Variants in DSCAM observed in about 807,000 individuals in gnomAD.
DSCAM encodes the protein cell adhesion molecule DSCAM.
Under a neutral mutation model 217.7 loss-of-function variants are expected in DSCAM, and 47 were observed. That is an observed-to-expected ratio of 0.22 (90% confidence interval 0.17 to 0.28). DSCAM has a LOEUF of 0.28. Ranked by LOEUF, DSCAM falls within the 10% of genes least tolerant of loss-of-function variation. The pLI is 1.00. For synonymous variants in DSCAM, 1,056 were observed against 1,015.3 expected (o/e 1.04, Z -0.76); for missense variants, 2,080 against 2,618.3 (o/e 0.79, Z 4.49).
intron 1 of DSCAM, among the ~76,000 whole-genome samples, chr21:40,757,845 G>A (rs191479948): frequency 2.6e-5 from 4 of 152,262 alleles, no homozygotes; most frequent in Admixed American, 2.0e-4. Context: ...GTTTCATGTG[G>A]GGGAATACAC....
At chr21:40,790,318 A>T (rs1405241868) in intron 1 of DSCAM, among the ~76,000 whole-genome samples, 1 of 151,262 alleles carries the variant, frequency 6.6e-6, no homozygotes. Flanking sequence ...AGTAGCTGGG[A>T]TTACAGGTGT....
At chr21:40,351,404 A>T (rs1390352149) in intron 5 of DSCAM, among the ~76,000 whole-genome samples, 1 of 152,176 alleles carries the variant, frequency 6.6e-6, no homozygotes, top group African/African-American at 2.4e-5. Context: ...TGTTGTTTTG[A>T]AGTGCCAACT....
intron 3 of DSCAM, among the ~76,000 whole-genome samples, chr21:40,656,266 T>C (rs1159361596): frequency 1.3e-5 from 2 of 152,164 alleles, no homozygotes; most frequent in Non-Finnish European, 2.9e-5. Flanking sequence ...CAACCTTTCT[T>C]AACGTTTCCA....
chr21:40,730,320 C>A (rs2090999621), intron 1 of DSCAM, among the ~76,000 whole-genome samples: 1 of 152,148 alleles, frequency 6.6e-6, no homozygotes, highest in Admixed American at 6.5e-5. Flanking sequence ...CAAATGAATC[C>A]TGTGGAACAT....
In DSCAM at chr21:40,347,737, G is replaced by A. The variant is rs372861546; in HGVS notation, c.1143C>T (p.Gly381=). 32 of 1,614,040 alleles carry A rather than the reference G, an allele frequency of 2.0e-5. No individual in the cohort carries two copies. The Admixed American group carries it at 3.0e-4, about 15-fold the overall frequency. ...IMDHMVKSDG[G]AYQCFVRKDK... ...CCTTGCGCACAAAGCACTGGTATGC[G>A]CCCCCGTCACTTTTGACCATGTGAT... Residue 381 remains glycine (G), a synonymous_variant, in exon 6 of 33, where the codon GGC becomes GGT. Transcript: ENST00000400454.
Position 40,370,333 on chromosome 21 carries a change from G to A in DSCAM, c.509-1088C>T, listed in dbSNP as rs575283593. On this transcript the variant is annotated intron_variant, in intron 3 of 32. Coordinates refer to ENST00000400454, the MANE Select transcript of DSCAM (RefSeq NM_001389.5). ...GTAACTCAGTACACCTCCTGCCACC[G>A]TTAGACTCTTCTATGGGCTATTTCT... 7.3e-5 allele frequency among the ~76,000 whole-genome samples: 11 copies of A among 150,890 alleles called. 1 individual carries two copies. The highest frequency in any genetic ancestry group is 1.5e-4 in the African/African-American group (6 of 41,112).
intron 8 of DSCAM, among the ~76,000 whole-genome samples, chr21:40,318,709 G>A (rs533858190): frequency 6.6e-6 from 1 of 152,374 alleles, no homozygotes; most frequent in East Asian, 1.9e-4. Context: ...AGGCCAAGAT[G>A]CAGAGACATA....
chr21:40,415,471 G>A (rs2075362113), intron 3 of DSCAM, among the ~76,000 whole-genome samples: 1 of 152,232 alleles, frequency 6.6e-6, no homozygotes, highest in Admixed American at 6.5e-5. Context: ...GAATGACCCA[G>A]GTCTGGATGG....
At chr21:40,758,469 G>A (rs1035652093) in intron 1 of DSCAM, among the ~76,000 whole-genome samples, 22 of 149,670 alleles carry the variant, frequency 1.5e-4, no homozygotes, top group Non-Finnish European at 3.3e-4. Flanking sequence ...GTGAGCCGAG[G>A]TGGTGCCACT....
rs141987343 is a variant in DSCAM at position 40,444,710 on chromosome 21, C to T, written c.509-75465G>A. ...TATCTGGTAGATGAGAACACTGAGG[C>T]CCATGATGTTGTAACTTGCTCCAAA... On this transcript the variant is annotated intron_variant, in intron 3 of 32. Transcript: ENST00000400454. Among the ~76,000 whole-genome samples, 353 of 152,280 alleles carry T rather than the reference C, an allele frequency of 2.3e-3. 4 individuals are homozygous for T. The highest frequency in any genetic ancestry group is 0.01 in the Middle Eastern group (3 of 294).
intron 3 of DSCAM, among the ~76,000 whole-genome samples, chr21:40,595,723 T>C (rs1302677605): frequency 2.6e-5 from 4 of 152,210 alleles, no homozygotes; most frequent in Non-Finnish European, 4.4e-5. Context: ...GATCCAAATA[T>C]AGTTTATTAC....
chr21:40,815,967 G>A lies in DSCAM; in HGVS notation c.43+30652C>T, dbSNP rs150040647. Among the ~76,000 whole-genome samples the A allele has an allele frequency of 2.9e-4, 44 of 152,298 alleles. No individual in the cohort carries two copies. In the East Asian group the frequency reaches 5.8e-3, roughly 20 times the overall value. On this transcript the variant is annotated intron_variant, in intron 1 of 32. Coordinates refer to ENST00000400454, the MANE Select transcript of DSCAM (RefSeq NM_001389.5). ...GATTCCACCTGTCACCATTGTGGTT[G>A]TCACCACAGATGAGGCAATGTGGCT...
In DSCAM at chr21:40,625,585, C is replaced by G. The variant is rs183623070; in HGVS notation, c.508+67225G>C. ...AATCTCTCTCTACCCTGCACCCACC[C>G]CAATCACCCACTCAAGGCGGATCCT... On this transcript the variant is annotated intron_variant, in intron 3 of 32. Coordinates refer to ENST00000400454, the MANE Select transcript of DSCAM (RefSeq NM_001389.5). Among the ~76,000 whole-genome samples, 271 of 152,242 alleles carry G rather than the reference C, an allele frequency of 1.8e-3. 2 individuals are homozygous for G. Among genetic ancestry groups the G allele is most frequent in the African/African-American group, 6.3e-3 (263 of 41,538 alleles).
intron 3 of DSCAM, among the ~76,000 whole-genome samples, chr21:40,491,445 C>A (rs11911988): frequency 5.3e-5 from 8 of 152,060 alleles, no homozygotes; most frequent in Middle Eastern, 6.8e-3. Context: ...TAGTGTTGCA[C>A]GCCACCCCCA....
rs949047057 is a variant in DSCAM, at chr21:40,664,177, G to A, written c.508+28633C>T. Among the ~76,000 whole-genome samples the A allele has an allele frequency of 4.6e-5, 7 of 152,138 alleles. No individual in the cohort carries two copies. In the South Asian group the frequency reaches 6.2e-4, roughly 14 times the overall value. ...GATAAAGGAAATGGATTATTCTAAC[G>A]GCTGAGAAATACCTTCCCACTGGCA... is the stretch of plus-strand genomic sequence containing the variant. On this transcript the variant is annotated intron_variant, in intron 3 of 32. Transcript: ENST00000400454.
intron 3 of DSCAM, among the ~76,000 whole-genome samples, chr21:40,375,614 T>A (rs2074942623): frequency 6.6e-6 from 1 of 152,244 alleles, no homozygotes; most frequent in Non-Finnish European, 1.5e-5. Context: ...GACGTTATCT[T>A]GTACATGTGC....
At chr21:40,653,866 G>C (rs560976683) in intron 3 of DSCAM, among the ~76,000 whole-genome samples, 1 of 152,152 alleles carries the variant, frequency 6.6e-6, no homozygotes, top group South Asian at 2.1e-4. Context: ...GGAGGCCAAG[G>C]CAGGCAGATC....
chr21:40,467,327 C>G (rs531839281), intron 3 of DSCAM, among the ~76,000 whole-genome samples: 3 of 152,182 alleles, frequency 2.0e-5, no homozygotes, highest in African/African-American at 4.8e-5. Flanking sequence ...AACACACACA[C>G]GCACACAAAG....
intron 11 of DSCAM, among the ~76,000 whole-genome samples, chr21:40,201,141 A>G (rs1393553144): frequency 2.0e-5 from 3 of 152,138 alleles, no homozygotes; most frequent in African/African-American, 7.2e-5. Flanking sequence ...TTGAACAAGA[A>G]TGACAACATC....
Sources: gnomAD v4.1 joint callset for allele counts (sites outside exome capture counted in the v4.1 genomes callset) on GRCh38, gnomAD v4.1.1 for gene constraint, MANE v1.5 for transcripts, NCBI Gene and HGNC (gene_info 2026-07-23, HGNC 2026-07-21) for gene names.